The following USP50 variants were observed in gnomAD, a reference collection of about 807,000 sequenced individuals.
USP50 encodes the protein ubiquitin specific peptidase 50, also known as ubiquitin carboxyl-terminal hydrolase 50.
A neutral mutation model predicts 39.2 loss-of-function variants in USP50; 37 were observed. The ratio of observed to expected loss-of-function variants is 0.94; its 90% CI spans 0.73 to 1.24. The LOEUF (loss-of-function observed/expected upper bound fraction) is 1.24, where lower values mean the gene tolerates loss of function less well. Ranked by LOEUF, USP50 falls within the 50% of genes most tolerant of loss-of-function variation. USP50 has a pLI of 0.00. For synonymous variants in USP50, 139 were observed against 144.5 expected (o/e 0.96, Z 0.27); for missense variants, 374 against 398.2 (o/e 0.94, Z 0.52).
intron 6 of USP50, among the ~76,000 whole-genome samples, chr15:50,523,234 A>G (rs908192084): frequency 7.4e-6 from 1 of 135,262 alleles, no homozygotes; most frequent in African/African-American, 2.8e-5. Flanking sequence ...GCTGGAGTGC[A>G]GTGGCAAAAT....
intron 1 of USP50, among the ~76,000 whole-genome samples, chr15:50,495,488 G>GGC (rs1555392698): frequency 6.7e-6 from 1 of 148,484 alleles, no homozygotes; most frequent in African/African-American, 2.5e-5. Flanking sequence ...GAGATTGGAG[G>GGC]GGGGGGTCTC....
chr15:50,524,892 C>CA lies in USP50; in HGVS notation c.936+4904dup, dbSNP rs372871627. ...CAGTCTTTAAAAACAATAACATCAACAAAAAAAAAACCCTACCACCAGCAA... is the reference window on the plus strand; with the variant it reads ...CAGTCTTTAAAAACAATAACATCAACAAAAAAAAAAACCCTACCACCAGCAA... On this transcript the variant is annotated intron_variant, in intron 6 of 6. Transcript: ENST00000532404. 1.2e-3 allele frequency among the ~76,000 whole-genome samples: 175 copies of CA among 144,958 alleles called. No homozygotes were observed. The East Asian group carries it at 0.013, about 11-fold the overall frequency.
At chr15:50,526,106 C>T (rs1476743765) in intron 6 of USP50, among the ~76,000 whole-genome samples, 3 of 151,986 alleles carry the variant, frequency 2.0e-5, no homozygotes, top group African/African-American at 2.4e-5. Context: ...TTGCTTAGGC[C>T]GGAGCGCAGT....
At chr15:50,518,839 A>G (rs2052824710) in intron 6 of USP50, among the ~76,000 whole-genome samples, 1 of 152,224 alleles carries the variant, frequency 6.6e-6, no homozygotes, top group Non-Finnish European at 1.5e-5. Context: ...AAGCTTCTGC[A>G]TAGCAAAGAA....
chr15:50,523,307 T>C (rs1229413738), intron 6 of USP50, among the ~76,000 whole-genome samples: 1 of 149,186 alleles, frequency 6.7e-6, no homozygotes, highest in East Asian at 2.0e-4. Context: ...GCCTCTGGAG[T>C]AGCAGGTGTG....
downstream of USP50, chr15:50,493,331 G>A: frequency 1.9e-6 from 1 of 520,608 alleles, no homozygotes; most frequent in Non-Finnish European, 3.8e-6. Flanking sequence ...AAGCATTTTG[G>A]TGTAGGGCTA....
In USP50 at chr15:50,520,127, G is replaced by A. The variant is rs537462284; in HGVS notation, c.936+9670C>T. 2.6e-5 allele frequency among the ~76,000 whole-genome samples: 4 copies of A among 151,964 alleles called. No individual in the cohort carries two copies. The South Asian group carries it at 6.2e-4, about 24-fold the overall frequency. On this transcript the variant is annotated intron_variant, in intron 6 of 6. Transcript: ENST00000532404. ...TGGAGACCAGCTAGGGCAACATAGT[G>A]AGATTCTGTCTCTACAAAAAAGAAT... is the stretch of plus-strand genomic sequence containing the variant.
At chr15:50,525,352 C>A (rs181197967) in intron 6 of USP50, among the ~76,000 whole-genome samples, 5 of 151,628 alleles carry the variant, frequency 3.3e-5, no homozygotes, top group South Asian at 2.1e-4. Flanking sequence ...GAGTGGCTAT[C>A]GTAAATAAAA....
chr15:50,498,650 G>C (rs201686033), downstream of USP50: 1 of 1,612,960 alleles, frequency 6.2e-7, no homozygotes, highest in Admixed American at 1.7e-5. Context: ...TGGACTTCCC[G>C]TTAGAAAATC....
chr15:50,532,225 C>G (rs1340056786), intron 5 of USP50: 2 of 456,274 alleles, frequency 4.4e-6, no homozygotes, highest in Non-Finnish European at 8.8e-6. Flanking sequence ...TCTCCTCATG[C>G]TTCTGGCAAG....
chr15:50,511,487 A>G (rs181396592), intron 6 of USP50: 1 of 152,350 alleles, frequency 6.6e-6, no homozygotes, highest in Non-Finnish European at 1.5e-5. Context: ...TCATAGCAGC[A>G]TTACTGATGA....
intron 6 of USP50, among the ~76,000 whole-genome samples, chr15:50,521,704 T>G (rs944743808): frequency 1.3e-5 from 2 of 152,214 alleles, no homozygotes; most frequent in African/African-American, 4.8e-5. Flanking sequence ...GGCTCATGCC[T>G]GTAATCCCAG....
intron 6 of USP50, among the ~76,000 whole-genome samples, chr15:50,528,169 A>C (rs1026753046): frequency 2.6e-5 from 4 of 151,452 alleles, no homozygotes; most frequent in Non-Finnish European, 4.4e-5. Context: ...AGCCTCCCAA[A>C]GTGCTGGGAT....
chr15:50,532,764 C>CA (rs142527420), intron 5 of USP50, among the ~76,000 whole-genome samples: 3,507 of 152,210 alleles, frequency 0.023, 124 homozygotes, highest in African/African-American at 0.079. Context: ...AACAGACGGT[C>CA]AATGTAAGCA....
downstream of USP50, chr15:50,493,611 G>A: frequency 2.3e-6 from 1 of 435,802 alleles, no homozygotes; most frequent in Non-Finnish European, 4.5e-6. Flanking sequence ...TAGGTGTGGT[G>A]ATACATGCCT....
intron 4 of USP50, among the ~76,000 whole-genome samples, 171 bp from the exon 5 acceptor site, chr15:50,539,022 A>T (rs2053006895): frequency 6.6e-6 from 1 of 152,188 alleles, no homozygotes; most frequent in Non-Finnish European, 1.5e-5. Flanking sequence ...ATACCTGTAA[A>T]ATCCACCTAG....
At chr15:50,496,883 T>C, downstream of USP50, 1 of 509,764 alleles carries the variant, frequency 2.0e-6, no homozygotes, top group Admixed American at 4.1e-5. Flanking sequence ...CAACACACTG[T>C]AGGTAGCACT....
At chr15:50,515,835 A>G (rs1363542461) in intron 6 of USP50, among the ~76,000 whole-genome samples, 1 of 152,154 alleles carries the variant, frequency 6.6e-6, no homozygotes, top group African/African-American at 2.4e-5. Flanking sequence ...GTGTGTGTCA[A>G]TGCATTCTAC....
At chr15:50,543,487 G>T in intron 3 of USP50, 111 bp downstream of exon 3, 1 of 1,084,574 alleles carries the variant, frequency 9.2e-7, no homozygotes, top group Non-Finnish European at 1.3e-6. Context: ...ACCTAGCACA[G>T]TGCTTGGCAC....
Sources: allele counts gnomAD v4.1 joint callset (sites outside exome capture counted in the v4.1 genomes callset), GRCh38; gene constraint gnomAD v4.1.1; transcripts MANE v1.5; gene names NCBI Gene and HGNC (gene_info 2026-07-23, HGNC 2026-07-21).